INF2: variants seen among roughly 807,000 people sequenced by gnomAD.
INF2 encodes the protein inverted formin-2.
In INF2, 43 loss-of-function variants were observed where a neutral mutation model predicts 123.5. That is an observed-to-expected ratio of 0.35 (90% confidence interval 0.27 to 0.45). The LOEUF (loss-of-function observed/expected upper bound fraction) is 0.45, where lower values mean the gene tolerates loss of function less well. INF2 is among the 20% of genes least tolerant of loss of function. The pLI is 1.00. For synonymous variants in INF2, 851 were observed against 745.0 expected (o/e 1.14, Z -2.32); for missense variants, 1,453 against 1,682.7 (o/e 0.86, Z 2.39).
In INF2 at chr14:104,715,782, C is replaced by T. The variant is rs1404737343; in HGVS notation, c.*1+442C>T. 5 of 477,410 alleles carry T rather than the reference C, an allele frequency of 1.0e-5. No individual in the cohort carries two copies. In the East Asian group the frequency reaches 3.2e-4, roughly 30 times the overall value. The allele number at this position is 477,410 out of a possible 1,614,324, so 29.6% of individuals were successfully genotyped here. On this transcript the variant is annotated intron_variant, in intron 22 of 22. Coordinates refer to ENST00000392634, the MANE Select transcript of INF2 (RefSeq NM_022489.4). ...GCTCTGTCTGTTGGTGGAGGGCTAT[C>T]TTCACTCTAAGTGTGTCAATGGCGT... is the stretch of plus-strand genomic sequence containing the variant.
intron 8 of INF2, 125 bp downstream of exon 8, chr14:104,708,127 TG>T: frequency 6.8e-7 from 1 of 1,459,922 alleles, no homozygotes; most frequent in Non-Finnish European, 9.3e-7. Context: ...CAGGGCAGCC[TG>T]GCCCTTGCTC....
At chr14:104,689,139 T>G, upstream of INF2, 2 of 913,322 alleles carry the variant, frequency 2.2e-6, no homozygotes, top group Non-Finnish European at 2.6e-6. Context: ...GGGTAGGCTC[T>G]CTCTCCCCAA....
At chr14:104,715,168 G>C in intron 21 of INF2, 116 bp from the exon 22 acceptor site, 2 of 1,016,136 alleles carry the variant, frequency 2.0e-6, no homozygotes, top group South Asian at 2.7e-5. Context: ...AGAGAACCGG[G>C]CAGCCCTCAG....
At chr14:104,688,057 G>A (rs1888721345), upstream of INF2, among the ~76,000 whole-genome samples, 2 of 152,402 alleles carry the variant, frequency 1.3e-5, no homozygotes, top group South Asian at 4.1e-4. Flanking sequence ...AGGGCAGGAA[G>A]GCCTTCTGCT....
chr14:104,688,846 T>C (rs1227913177), upstream of INF2, among the ~76,000 whole-genome samples: 1 of 152,162 alleles, frequency 6.6e-6, no homozygotes, highest in Non-Finnish European at 1.5e-5. Flanking sequence ...CTGGCTCTCA[T>C]CCAACCAGGC....
upstream of INF2, chr14:104,689,199 C>T (rs541109738): frequency 4.1e-6 from 4 of 985,374 alleles, no homozygotes; most frequent in South Asian, 1.9e-4. Flanking sequence ...GCGGGGACTC[C>T]GGATCCGGCT....
At chr14:104,703,715 G>A (rs889182617) in intron 4 of INF2, among the ~76,000 whole-genome samples, 5 of 152,238 alleles carry the variant, frequency 3.3e-5, no homozygotes, top group Non-Finnish European at 5.9e-5. Flanking sequence ...CTGAGACCTC[G>A]TTCTAGCCCT....
At chr14:104,702,436 C>T (rs1889568824) in intron 2 of INF2, among the ~76,000 whole-genome samples, 1 of 147,760 alleles carries the variant, frequency 6.8e-6, no homozygotes, top group Non-Finnish European at 1.5e-5. Flanking sequence ...CAGGCTGTGC[C>T]CAAAGTTAGT....
intron 1 of INF2, 72 bp from the exon 2 acceptor site, chr14:104,701,285 C>T (rs907537701): frequency 2.5e-5 from 37 of 1,494,316 alleles, no homozygotes; most frequent in Non-Finnish European, 3.2e-5. Flanking sequence ...GAAGTGGCCC[C>T]GCCTGCGCTG....
At chr14:104,704,577 G>A (rs111426293) in intron 5 of INF2, 2,337 of 155,994 alleles carry the variant, frequency 0.015, 47 homozygotes, top group African/African-American at 0.053. Flanking sequence ...CAGGCTGCGC[G>A]CTCCTCATGA....
At chr14:104,688,221 G>A (rs569693870), upstream of INF2, among the ~76,000 whole-genome samples, 2 of 152,358 alleles carry the variant, frequency 1.3e-5, no homozygotes, top group East Asian at 1.9e-4. Flanking sequence ...AGGCACACCC[G>A]GGGCTGTGGC....
At position 104,710,257 on chromosome 14, in the gene INF2, C is replaced by G. The variant is rs182061958; in HGVS notation, c.2239+69C>G. Reference sequence around the variant, plus strand: ...TCCGAACCGGGGCGGGAGGGCTGCTCGGGGCCCCTGCTACTGCCAGTATCA... The same window carrying G: ...TCCGAACCGGGGCGGGAGGGCTGCTGGGGGCCCCTGCTACTGCCAGTATCA... On this transcript the variant is annotated intron_variant, in intron 13 of 22. Coordinates refer to ENST00000392634, the MANE Select transcript of INF2 (RefSeq NM_022489.4). The G allele has an allele frequency of 9.5e-6, 11 of 1,156,778 alleles. No homozygotes were observed. In the Admixed American group the frequency reaches 1.6e-4, roughly 17 times the overall value. The allele number at this position is 1,156,778 out of a possible 1,614,324, so 71.7% of individuals were successfully genotyped here.
Position 104,708,255 on chromosome 14 carries a change from C to T in INF2, c.1736-181C>T, listed in dbSNP as rs1161880859. The stretch of plus-strand genomic sequence containing the variant: ...AGTGCATCTGGGGTGCCATGGTGCC[C>T]TGGGGCCCTGCTACAGGTGCTCAGG... On this transcript the variant is annotated intron_variant, in intron 8 of 22. Coordinates refer to ENST00000392634, the MANE Select transcript of INF2 (RefSeq NM_022489.4). 3.3e-6 allele frequency: 3 copies of T among 905,074 alleles called. No homozygotes were observed. The African/African-American group carries it at 5.0e-5, about 15-fold the overall frequency. 56.1% of individuals were successfully genotyped at this position (905,074 alleles called of 1,614,324 possible). A position where few individuals can be genotyped will look rare whatever the true frequency, so the allele number is the denominator to read the frequency against.
At chr14:104,685,767 G>A (rs958805581), upstream of INF2, among the ~76,000 whole-genome samples, 6 of 150,408 alleles carry the variant, frequency 4.0e-5, no homozygotes, top group African/African-American at 1.5e-4. Flanking sequence ...AAGGGTGGGT[G>A]CATGGGTGGA....
In INF2 at chr14:104,684,103, C is replaced by G. The variant is rs1295827364; in HGVS notation, c.-104+2521C>G. The stretch of plus-strand genomic sequence containing the variant: ...TTTAAGCAAAAGATGGCACGGACCC[C>G]CGACATAAGACAGTTCAAAGCTGAG... On this transcript the variant is annotated intron_variant, in intron 1 of 2. Coordinates refer to the INF2 transcript ENST00000674723. This position sits in a 1 kb window ranked among gnomAD's most constrained non-coding sequence, Gnocchi z 5.0. The G allele has an allele frequency of 2.2e-6, 1 of 456,066 alleles. No homozygotes were observed. The highest frequency in any genetic ancestry group is 4.4e-6 in the Non-Finnish European group (1 of 226,782). 28.3% of individuals were successfully genotyped at this position (456,066 alleles called of 1,614,324 possible). A position where few individuals can be genotyped will look rare whatever the true frequency, so the allele number is the denominator to read the frequency against.
chr14:104,706,215 G>A, intron 6 of INF2, 39 bp downstream of exon 6: 1 of 1,528,752 alleles, frequency 6.5e-7, no homozygotes, highest in Non-Finnish European at 8.8e-7. Flanking sequence ...AGCCCTCCAG[G>A]GCAGGCTGTG....
Position 104,707,785 on chromosome 14 carries a change from G to A in INF2, c.1518G>A (p.Leu506=). 3.1e-6 allele frequency: 4 copies of A among 1,279,022 alleles called. No individual in the cohort carries two copies. The highest frequency in any genetic ancestry group is 3.2e-6 in the Non-Finnish European group (3 of 944,066). 79.2% of individuals were successfully genotyped at this position (1,279,022 alleles called of 1,614,324 possible). The change falls in exon 8 of 23, where the codon CTG becomes CTA. Residue 506 remains leucine (L), a synonymous_variant. Transcript: ENST00000392634. ...GLGCPPPPPP[L]LPGMGWGPPP... ...GATGCCCGCCCCCACCCCCACCCCT[G>A]CTGCCTGGTATGGGCTGGGGCCCTC...
At chr14:104,702,322 G>A (rs1889562395) in intron 2 of INF2, among the ~76,000 whole-genome samples, 3 of 152,168 alleles carry the variant, frequency 2.0e-5, no homozygotes, top group Admixed American at 6.5e-5. Context: ...GCAGGCCCTT[G>A]GTCTCTGCCT....
At position 104,714,819 on chromosome 14, in the gene INF2, G is replaced by C. The variant is rs1488801824; in HGVS notation, c.3657G>C (p.Gly1219=). 1.3e-6 allele frequency: 2 copies of C among 1,594,200 alleles called. No homozygotes were observed. The highest frequency in any genetic ancestry group is 1.7e-4 in the Middle Eastern group (1 of 5,996). ...GGGGCCGGGCCTCAAAGGGGACCGG[G>C]AAGCGAAGGAAGAAGCGTCCCTCCA... The part of the protein sequence containing the change: ...RARGRASKGT[G]KRRKKRPSRS... The change falls in exon 21 of 23, where the codon GGG becomes GGC. Residue 1219 remains glycine (G), a synonymous_variant. Coordinates refer to ENST00000392634, the MANE Select transcript of INF2 (RefSeq NM_022489.4).
Sources: gnomAD v4.1 joint callset for allele counts (sites outside exome capture counted in the v4.1 genomes callset) on GRCh38, gnomAD v4.1.1 for gene constraint, Gnocchi (gnomAD v3.1) non-coding constraint, MANE v1.5 for transcripts, NCBI Gene and HGNC (gene_info 2026-07-23, HGNC 2026-07-21) for gene names.